Variants in FDPS observed in about 807,000 individuals in gnomAD.
FDPS encodes farnesyl diphosphate synthase.
Under a neutral mutation model 49.5 loss-of-function variants are expected in FDPS, and 29 were observed. The observed-to-expected ratio is 0.59, with a 90% CI of 0.44 to 0.80. The LOEUF (loss-of-function observed/expected upper bound fraction) is 0.80. FDPS is among the 30% of genes least tolerant of loss of function. The probability of loss-of-function intolerance (pLI) is 0.00; values close to 1 mark genes in which losing one functional copy is unlikely to be tolerated. For missense variants in FDPS, 414 were observed against 525.6 expected (o/e 0.79, Z 2.08); for synonymous variants, 172 against 206.4 (o/e 0.83, Z 1.43).
chr1:155,315,051 A>G (rs1649177441), intron 4 of FDPS, among the ~76,000 whole-genome samples: 1 of 152,174 alleles, frequency 6.6e-6, no homozygotes, highest in Non-Finnish European at 1.5e-5. Context: ...GGACCTCCAC[A>G]CTACTCTTCT....
intron 4 of FDPS, among the ~76,000 whole-genome samples, chr1:155,314,217 A>C (rs1649085945): frequency 7.8e-6 from 1 of 127,466 alleles, no homozygotes. Context: ...ACAGGGTCTT[A>C]CTCTGTTACC....
At chr1:155,312,223 T>C in intron 3 of FDPS, 32 bp from the exon 4 acceptor site, 1 of 1,612,058 alleles carries the variant, frequency 6.2e-7, no homozygotes, top group Non-Finnish European at 8.5e-7. Context: ...GTATGGACCC[T>C]GATACCCTGT....
At position 155,310,147 on chromosome 1, in the gene FDPS, T is replaced by A; in HGVS notation, c.281T>A (p.Leu94Gln). 6.2e-7 allele frequency: 1 copy of A among 1,613,948 alleles called. No homozygotes were observed. The highest frequency in any genetic ancestry group is 1.1e-5 in the South Asian group (1 of 91,072). Reference protein sequence around the residue: ...VQHFSQIVRVLTEDEMGHPEI... With the variant: ...VQHFSQIVRVQTEDEMGHPEI... ...CACTTCTCCCAGATCGTTAGGGTGC[T>A]GACTGAGGATGAGATGGGGCACCCA... The change falls in exon 3 of 11, where the codon CTG becomes CAG. Residue 94 changes from leucine to glutamine, a missense_variant. Leu to Gln is a moderately radical substitution (Grantham distance 113). Coordinates refer to ENST00000368356, the MANE Select transcript of FDPS (RefSeq NM_002004.4).
chr1:155,310,313 CTTTTT>C, intron 3 of FDPS, 108 bp downstream of exon 3: 2 of 698,816 alleles, frequency 2.9e-6, no homozygotes, highest in Non-Finnish European at 4.5e-6. Context: ...TGAGAGAAAG[CTTTTT>C]TTTTTTTTTT....
At position 155,320,024 on chromosome 1, in the gene FDPS, G is replaced by T. The variant is rs1572103949; in HGVS notation, c.1059+96G>T. On this transcript the variant is annotated intron_variant, in intron 10 of 10. Coordinates refer to ENST00000368356, the MANE Select transcript of FDPS (RefSeq NM_002004.4). ...AGTTTTCCTCCCGAGGGGACATTTG[G>T]CAATGTCAGCAGACATTTTTTGCCA... The T allele has an allele frequency of 3.6e-6, 5 of 1,400,708 alleles. No individual in the cohort carries two copies. The East Asian group carries it at 9.3e-5, about 26-fold the overall frequency. 86.8% of individuals were successfully genotyped at this position (1,400,708 alleles called of 1,614,324 possible).
At chr1:155,316,506 G>T (rs1649431079) in intron 4 of FDPS, among the ~76,000 whole-genome samples, 1 of 151,770 alleles carries the variant, frequency 6.6e-6, no homozygotes. Flanking sequence ...GGTCAGACAC[G>T]ATGGCTCACG....
intron 3 of FDPS, among the ~76,000 whole-genome samples, chr1:155,310,760 C>T (rs2148232366): frequency 6.6e-6 from 1 of 152,280 alleles, no homozygotes; most frequent in South Asian, 2.1e-4. Flanking sequence ...GGCCTTGAAC[C>T]TGGCAAGTCT....
chr1:155,316,872 A>G (rs921134184), intron 4 of FDPS: 27 of 152,084 alleles, frequency 1.8e-4, no homozygotes, highest in African/African-American at 6.5e-4. Flanking sequence ...GGAATGTTAG[A>G]GTGTTTTATT....
intron 3 of FDPS, among the ~76,000 whole-genome samples, chr1:155,310,886 C>A (rs1401353963): frequency 6.6e-6 from 1 of 152,184 alleles, no homozygotes; most frequent in East Asian, 1.9e-4. Flanking sequence ...TCATTAGAAA[C>A]CCCTATTCTA....
intron 4 of FDPS, among the ~76,000 whole-genome samples, chr1:155,313,144 C>G (rs911295306): frequency 1.3e-5 from 2 of 152,268 alleles, no homozygotes; most frequent in Middle Eastern, 3.4e-3. Context: ...TCTAGCATGG[C>G]TTGGGAAATT....
Position 155,318,413 on chromosome 1 carries a change from G to A in FDPS, c.684+122G>A, listed in dbSNP as rs1649751225. On this transcript the variant is annotated intron_variant, in intron 6 of 10. Transcript: ENST00000368356. The surrounding 1 kb of genome is among the most constrained non-coding windows in gnomAD (Gnocchi z 4.2). ...GCAGCGTGCCTGGAAGGGAAAGAAA[G>A]CGAGGAAGGGTGTTGGGAAGTGGGG... The A allele has an allele frequency of 7.6e-7, 1 of 1,320,234 alleles. No individual in the cohort carries two copies. The highest frequency in any genetic ancestry group is 2.3e-5 in the East Asian group (1 of 43,372). 81.8% of individuals were successfully genotyped at this position (1,320,234 alleles called of 1,614,324 possible). A position where few individuals can be genotyped will look rare whatever the true frequency, so the allele number is the denominator to read the frequency against.
Position 155,318,611 on chromosome 1 carries a change from G to A in FDPS, c.685-54G>A. The A allele has an allele frequency of 1.5e-6, 2 of 1,351,514 alleles. No individual in the cohort carries two copies. The highest frequency in any genetic ancestry group is 1.1e-6 in the Non-Finnish European group (1 of 941,880). 83.7% of individuals were successfully genotyped at this position (1,351,514 alleles called of 1,614,324 possible). On this transcript the variant is annotated intron_variant, in intron 6 of 10. Transcript: ENST00000368356. The surrounding 1 kb of genome is among the most constrained non-coding windows in gnomAD (Gnocchi z 4.2). ...TGGGATGTTGGGCTTGGGATACCAG[G>A]GTTTCGCATATCTGGAGAAAGCCTG... is the stretch of plus-strand genomic sequence containing the variant.
In FDPS at chr1:155,319,971, G is replaced by T. The variant is rs1416592135; in HGVS notation, c.1059+43G>T. ...GTGGGTCCCTGAGTTGGTGGAAAGG[G>T]ATAGAGCAGTGGTTCTCAACTAGAG... On this transcript the variant is annotated intron_variant, in intron 10 of 10. Coordinates refer to ENST00000368356, the MANE Select transcript of FDPS (RefSeq NM_002004.4). The T allele has an allele frequency of 1.9e-6, 3 of 1,605,842 alleles. No homozygotes were observed. The East Asian group carries it at 6.7e-5, about 36-fold the overall frequency.
chr1:155,318,933 G>T lies in FDPS; in HGVS notation c.846+5G>T. 1 of 1,608,820 alleles carries T rather than the reference G, an allele frequency of 6.2e-7. No individual in the cohort carries two copies. On this transcript the variant is annotated splice_donor_5th_base_variant and intron_variant, in intron 8 of 10. Coordinates refer to ENST00000368356, the MANE Select transcript of FDPS (RefSeq NM_002004.4). This position sits in a 1 kb window ranked among gnomAD's most constrained non-coding sequence, Gnocchi z 4.2. The stretch of plus-strand genomic sequence containing the variant: ...ATAGCTGCAGCCATGTACATGGTGA[G>T]TGAGCCTCCTCACCCCTCTCTGCTC...
At chr1:155,310,979 T>C (rs1648738957) in intron 3 of FDPS, among the ~76,000 whole-genome samples, 1 of 152,148 alleles carries the variant, frequency 6.6e-6, no homozygotes, top group African/African-American at 2.4e-5. Context: ...TTATAAATGC[T>C]GTCTATCTCA....
chr1:155,311,833 C>A (rs1648827402), intron 3 of FDPS, among the ~76,000 whole-genome samples: 1 of 151,958 alleles, frequency 6.6e-6, no homozygotes, highest in African/African-American at 2.4e-5. Context: ...ATTAGATGGG[C>A]ATGGTGGTGG....
At chr1:155,319,060 A>C (rs1371116010) in intron 8 of FDPS, 132 bp downstream of exon 8, 2 of 693,218 alleles carry the variant, frequency 2.9e-6, no homozygotes. Flanking sequence ...GGTCTCGCTC[A>C]GTCTCTTTCC....
In FDPS at chr1:155,310,222, T is replaced by G. The variant is rs1359841269; in HGVS notation, c.339+17T>G. The G allele has an allele frequency of 6.2e-7, 1 of 1,613,234 alleles. No individual in the cohort carries two copies. The highest frequency in any genetic ancestry group is 8.5e-7 in the Non-Finnish European group (1 of 1,179,466). On this transcript the variant is annotated intron_variant, in intron 3 of 10. Transcript: ENST00000368356. ...CTCAAGGAGGTGAGGGATTCATGAC[T>G]TGGGGGAGTAAGGCTTTGGTTCAGT...
chr1:155,320,199 T>G, intron 10 of FDPS: 1 of 644,704 alleles, frequency 1.6e-6, no homozygotes, highest in Non-Finnish European at 2.7e-6. Flanking sequence ...GGAGAAACCC[T>G]GGAGTAGAGG....
Sources: allele counts gnomAD v4.1 joint callset (sites outside exome capture counted in the v4.1 genomes callset), GRCh38; gene constraint gnomAD v4.1.1; non-coding constraint Gnocchi (gnomAD v3.1); transcripts MANE v1.5; gene names NCBI Gene and HGNC (gene_info 2026-07-23, HGNC 2026-07-21).